Variants in CC2D2A observed in about 807,000 individuals in gnomAD.
CC2D2A encodes coiled-coil and C2 domain containing 2A, also known as coiled-coil and C2 domain-containing protein 2A.
A neutral mutation model predicts 212.9 loss-of-function variants in CC2D2A; 155 were observed. The observed-to-expected ratio is 0.73, with a 90% CI of 0.64 to 0.83. The LOEUF (loss-of-function observed/expected upper bound fraction) is 0.83. Ranked by LOEUF, CC2D2A falls within the 40% of genes least tolerant of loss-of-function variation. The pLI is 0.00. For synonymous variants in CC2D2A, 667 were observed against 686.5 expected (o/e 0.97, Z 0.44); for missense variants, 1,856 against 1,956.2 (o/e 0.95, Z 0.97).
intron 4 of CC2D2A, among the ~76,000 whole-genome samples, chr4:15,494,328 C>T (rs1272370429): frequency 1.3e-5 from 2 of 152,144 alleles, no homozygotes; most frequent in South Asian, 2.1e-4. Flanking sequence ...GTGCCAGAGC[C>T]GGGGTTCCTG....
intron 6 of CC2D2A, among the ~76,000 whole-genome samples, chr4:15,504,724 C>T (rs979742512): frequency 3.9e-5 from 6 of 152,094 alleles, no homozygotes. Context: ...CATAATATTC[C>T]ATATTCCCTA....
At chr4:15,547,495 T>C (rs928574042) in intron 17 of CC2D2A, among the ~76,000 whole-genome samples, 1 of 152,132 alleles carries the variant, frequency 6.6e-6, no homozygotes, top group Non-Finnish European at 1.5e-5. Context: ...ATAACCATCA[T>C]TCTACTCTTT....
In CC2D2A at chr4:15,596,361, C is replaced by T. The variant is rs10212939; in HGVS notation, c.4437+154C>T. ...ACTCACAACAAGAAACAGATATATA[C>T]GTTTACATATATGTGAAAGGACCAG... On this transcript the variant is annotated intron_variant, in intron 34 of 36. Coordinates refer to ENST00000424120, the MANE Select transcript of CC2D2A (RefSeq NM_001378615.1). Among the ~76,000 whole-genome samples the T allele has an allele frequency of 0.94, 143,628 of 152,276 alleles. 68,282 individuals carry two copies. The highest frequency in any genetic ancestry group is 1 in the East Asian group (5,183 of 5,184).
At chr4:15,583,812 G>A (rs559367119) in intron 30 of CC2D2A, among the ~76,000 whole-genome samples, 63 of 152,010 alleles carry the variant, frequency 4.1e-4, no homozygotes, top group African/African-American at 1.4e-3. Context: ...TTAGCCGGGC[G>A]TGGTGGCGGG....
chr4:15,584,971 C>A lies in CC2D2A; in HGVS notation c.3976-1186C>A, dbSNP rs186622833. ...CCACCTCACTCCAGTTAAAATGGCT[C>A]TTTTCAGAAAGACAAAAAATGACAA... On this transcript the variant is annotated intron_variant, in intron 30 of 36. Coordinates refer to ENST00000424120, the MANE Select transcript of CC2D2A (RefSeq NM_001378615.1). Among the ~76,000 whole-genome samples the A allele has an allele frequency of 8.1e-4, 123 of 152,238 alleles. 2 individuals are homozygous for A. The East Asian group carries it at 0.018, about 22-fold the overall frequency.
At chr4:15,511,196 G>C in intron 7 of CC2D2A, 51 bp from the exon 8 acceptor site, 1 of 1,530,956 alleles carries the variant, frequency 6.5e-7, no homozygotes, top group East Asian at 2.4e-5. Flanking sequence ...TGTGCAGAGC[G>C]CATTACAGCT....
intron 33 of CC2D2A, among the ~76,000 whole-genome samples, chr4:15,594,017 T>C (rs190918210): frequency 6.6e-6 from 1 of 152,188 alleles, no homozygotes; most frequent in African/African-American, 2.4e-5. Flanking sequence ...CATGATCTGA[T>C]ACCCACCCTA....
At chr4:15,599,402 G>C (rs1277565567) in intron 35 of CC2D2A, 127 bp from the exon 36 acceptor site, 1 of 602,762 alleles carries the variant, frequency 1.7e-6, no homozygotes, top group Non-Finnish European at 2.9e-6. Context: ...ACTATGCCTG[G>C]ATAATCACAA....
chr4:15,551,021 G>A (rs1718981630), intron 18 of CC2D2A, 41 bp downstream of exon 18: 1 of 1,492,680 alleles, frequency 6.7e-7, no homozygotes, highest in Non-Finnish European at 9.2e-7. Context: ...CTGTTTCATT[G>A]TCAGATTTGA....
chr4:15,552,344 A>G (rs140849453), intron 18 of CC2D2A, among the ~76,000 whole-genome samples: 1 of 152,164 alleles, frequency 6.6e-6, no homozygotes, highest in Admixed American at 6.5e-5. Flanking sequence ...TCCTTCTGCC[A>G]GTAATGCTCT....
intron 4 of CC2D2A, among the ~76,000 whole-genome samples, chr4:15,483,915 A>AAC (rs1714846414): frequency 6.6e-6 from 1 of 152,226 alleles, no homozygotes; most frequent in African/African-American, 2.4e-5. Context: ...GCGTTGGCTT[A>AAC]GACAAGAGTG....
At chr4:15,476,532 G>A (rs539823798) in intron 2 of CC2D2A, among the ~76,000 whole-genome samples, 1 of 152,316 alleles carries the variant, frequency 6.6e-6, no homozygotes, top group East Asian at 1.9e-4. Context: ...AGGGGAGGTG[G>A]ATGTTGAAGG....
chr4:15,569,125 A>G (rs564718776), intron 26 of CC2D2A, among the ~76,000 whole-genome samples, 168 bp from the exon 27 acceptor site: 278 of 152,358 alleles, frequency 1.8e-3, no homozygotes, highest in African/African-American at 6.4e-3. Flanking sequence ...CCATTTGAAT[A>G]TAGGTATTAT....
At chr4:15,502,704 C>T in intron 5 of CC2D2A, 118 bp from the exon 6 acceptor site, 1 of 1,058,702 alleles carries the variant, frequency 9.4e-7, no homozygotes, top group Non-Finnish European at 1.4e-6. Flanking sequence ...TTTAATGTCA[C>T]TTTTCTGAAC....
chr4:15,599,548 G>GAAA lies in CC2D2A; in HGVS notation c.4520_4522dup (p.Lys1507dup). On this transcript the variant is annotated inframe_insertion, in exon 36 of 37. Coordinates refer to ENST00000424120, the MANE Select transcript of CC2D2A (RefSeq NM_001378615.1). ...GAACAGGATTGAAAAAATACTAAAAGAAAAAATCATGGACTGGAGGCCACG... is the reference window on the plus strand; with the variant it reads ...GAACAGGATTGAAAAAATACTAAAAGAAAAAAAAATCATGGACTGGAGGCCACG... The GAAA allele has an allele frequency of 6.4e-7, 1 of 1,561,590 alleles. No individual in the cohort carries two copies. The highest frequency in any genetic ancestry group is 8.7e-7 in the Non-Finnish European group (1 of 1,149,780).
At chr4:15,475,685 T>C (rs543513348) in intron 1 of CC2D2A, among the ~76,000 whole-genome samples, 3 of 152,238 alleles carry the variant, frequency 2.0e-5, no homozygotes, top group Non-Finnish European at 4.4e-5. Context: ...TCCAACTCTA[T>C]GGGCACAGTA....
At chr4:15,585,959 A>T (rs1720840246) in intron 30 of CC2D2A, among the ~76,000 whole-genome samples, 198 bp from the exon 31 acceptor site, 1 of 152,240 alleles carries the variant, frequency 6.6e-6, no homozygotes, top group Non-Finnish European at 1.5e-5. Context: ...CTTCATCTGT[A>T]AAGAATGGGT....
intron 30 of CC2D2A, among the ~76,000 whole-genome samples, chr4:15,582,348 AAAT>A (rs1487582420): frequency 6.6e-6 from 1 of 152,140 alleles, no homozygotes; most frequent in Non-Finnish European, 1.5e-5. Flanking sequence ...AGAAGGGAAG[AAAT>A]AATAAAAATA....
intron 30 of CC2D2A, among the ~76,000 whole-genome samples, chr4:15,583,475 T>C (rs1172873788): frequency 1.3e-5 from 2 of 152,194 alleles, no homozygotes; most frequent in African/African-American, 4.8e-5. Flanking sequence ...AACTAATAAA[T>C]AAGTTTAGTA....
Sources: allele counts gnomAD v4.1 joint callset (sites outside exome capture counted in the v4.1 genomes callset), GRCh38; gene constraint gnomAD v4.1.1; transcripts MANE v1.5; gene names NCBI Gene and HGNC (gene_info 2026-07-23, HGNC 2026-07-21).